The following MAP3K20 variants were observed in gnomAD, a reference collection of about 807,000 sequenced individuals.
MAP3K20 encodes the protein mitogen-activated protein kinase kinase kinase 20.
MAP3K20 carries 40 observed loss-of-function variants against 85.7 expected under a neutral mutation model. That is an observed-to-expected ratio of 0.47 (90% CI 0.36 to 0.61). The LOEUF (loss-of-function observed/expected upper bound fraction) is 0.61, where lower values mean the gene tolerates loss of function less well. Among genes scored for constraint, MAP3K20 ranks in the 20% least tolerant of loss-of-function variants. The pLI is 0.00. For synonymous variants in MAP3K20, 325 were observed against 327.7 expected (o/e 0.99, Z 0.09); for missense variants, 817 against 961.7 (o/e 0.85, Z 1.99).
At chr2:173,166,909 T>TA (rs1689840904) in intron 2 of MAP3K20, 1 of 121,568 alleles carries the variant, frequency 8.2e-6, no homozygotes, top group Non-Finnish European at 1.7e-5. Context: ...ACAGTTTTTC[T>TA]GTTTTTTTTT....
intron 16 of MAP3K20, among the ~76,000 whole-genome samples, chr2:173,248,855 T>C (rs1684981908): frequency 6.6e-6 from 1 of 152,204 alleles, no homozygotes; most frequent in African/African-American, 2.4e-5. Flanking sequence ...AGATTACGAA[T>C]TCCTTTTAAA....
intron 14 of MAP3K20, among the ~76,000 whole-genome samples, chr2:173,236,595 G>C (rs903636149): frequency 3.3e-5 from 5 of 152,132 alleles, no homozygotes; most frequent in African/African-American, 9.7e-5. Flanking sequence ...GTGGAATGCG[G>C]ACCCCTCCCC....
At chr2:173,115,753 C>A (rs764792545) in intron 2 of MAP3K20, among the ~76,000 whole-genome samples, 1 of 152,124 alleles carries the variant, frequency 6.6e-6, no homozygotes, top group East Asian at 1.9e-4. Context: ...GCACAGAGTC[C>A]TGTGATGTGA....
chr2:173,085,900 A>G (rs980137792), intron 1 of MAP3K20, among the ~76,000 whole-genome samples: 1 of 143,414 alleles, frequency 7.0e-6, no homozygotes, highest in Admixed American at 7.5e-5. Context: ...GGTTCGAGCA[A>G]TTCTCCTGCC....
intron 10 of MAP3K20, among the ~76,000 whole-genome samples, chr2:173,213,066 T>C (rs1270098841): frequency 6.6e-6 from 1 of 152,146 alleles, no homozygotes; most frequent in Non-Finnish European, 1.5e-5. Flanking sequence ...ATATATATTA[T>C]TGTGTATATG....
chr2:173,261,014 A>G (rs1339517218), intron 17 of MAP3K20, 49 bp from the exon 18 acceptor site: 1 of 1,563,194 alleles, frequency 6.4e-7, no homozygotes, highest in South Asian at 1.1e-5. Context: ...ATACTATAGT[A>G]GAGCAGACTG....
At chr2:173,180,789 A>G (rs937197805) in intron 3 of MAP3K20, among the ~76,000 whole-genome samples, 4 of 152,126 alleles carry the variant, frequency 2.6e-5, no homozygotes, top group Non-Finnish European at 5.9e-5. Flanking sequence ...TAAACTATAA[A>G]CTCTCAAAAG....
chr2:173,150,731 A>C (rs1200009951), intron 2 of MAP3K20, among the ~76,000 whole-genome samples: 1 of 152,066 alleles, frequency 6.6e-6, no homozygotes, highest in Non-Finnish European at 1.5e-5. Flanking sequence ...ATACCTGGCT[A>C]ATTTTCATAT....
chr2:173,188,393 CAATT>C (rs964638203), intron 5 of MAP3K20, among the ~76,000 whole-genome samples: 1 of 152,170 alleles, frequency 6.6e-6, no homozygotes, highest in African/African-American at 2.4e-5. Flanking sequence ...ACCCTCCAAT[CAATT>C]AATTATTTAC....
chr2:173,171,380 A>T (rs1320463083), intron 3 of MAP3K20, among the ~76,000 whole-genome samples: 1 of 152,208 alleles, frequency 6.6e-6, no homozygotes, highest in Non-Finnish European at 1.5e-5. Context: ...AAGAGACTAG[A>T]AACTCTGTTT....
intron 17 of MAP3K20, 130 bp downstream of exon 17, chr2:173,258,945 G>C: frequency 1.9e-6 from 1 of 517,508 alleles, no homozygotes; most frequent in Non-Finnish European, 3.4e-6. Context: ...GCTGGCTGTT[G>C]AAAGGCACAT....
chr2:173,237,018 C>CT (rs1388150311), intron 14 of MAP3K20, among the ~76,000 whole-genome samples: 32 of 119,906 alleles, frequency 2.7e-4, no homozygotes, highest in South Asian at 1.5e-3. Context: ...AGTATATCCA[C>CT]CTTTTTTTTT....
intron 2 of MAP3K20, among the ~76,000 whole-genome samples, chr2:173,096,357 T>TG (rs397791380): frequency 2.0e-5 from 3 of 151,704 alleles, no homozygotes; most frequent in Non-Finnish European, 4.4e-5. Flanking sequence ...TTTTTTTTTT[T>TG]GACACAGAGT....
chr2:173,094,148 A>AT (rs1046424565), intron 2 of MAP3K20, among the ~76,000 whole-genome samples: 4 of 149,364 alleles, frequency 2.7e-5, no homozygotes, highest in East Asian at 3.9e-4. Flanking sequence ...ATAAAAAAAA[A>AT]TTTTTTTAAA....
In MAP3K20 at chr2:173,167,197, G is replaced by C. The variant is rs985189854; in HGVS notation, c.160-2608G>C. Among the ~76,000 whole-genome samples the C allele has an allele frequency of 3.3e-5, 5 of 151,864 alleles. No individual in the cohort carries two copies. The South Asian group carries it at 1.0e-3, about 32-fold the overall frequency. Reference sequence around the variant, plus strand: ...CCCAAAGTGCTGGGATTACAGGCGTGAGCCACTGCGCCCGGCCAACAGTTT... The same window carrying C: ...CCCAAAGTGCTGGGATTACAGGCGTCAGCCACTGCGCCCGGCCAACAGTTT... On this transcript the variant is annotated intron_variant, in intron 2 of 19. Coordinates refer to ENST00000375213, the MANE Select transcript of MAP3K20 (RefSeq NM_016653.3).
chr2:173,223,689 A>G (rs1344748148), intron 11 of MAP3K20: 1 of 985,350 alleles, frequency 1.0e-6, no homozygotes, highest in Non-Finnish European at 1.2e-6. Flanking sequence ...ACACAAAAAC[A>G]GTAGATAAAT....
In MAP3K20 at chr2:173,257,862, T is replaced by G. The variant is rs555596317; in HGVS notation, c.1360-837T>G. On this transcript the variant is annotated intron_variant, in intron 16 of 19. Coordinates refer to ENST00000375213, the MANE Select transcript of MAP3K20 (RefSeq NM_016653.3). ...CTTAGCCATTCTGATGGGTGTATAG[T>G]GGTACCTCATTGTGGATTTAATTTG... 1.2e-4 allele frequency among the ~76,000 whole-genome samples: 19 copies of G among 152,344 alleles called. 1 individual carries two copies. The highest frequency in any genetic ancestry group is 3.4e-3 in the Middle Eastern group (1 of 294).
rs534251045 is a variant in MAP3K20 at position 173,204,120 on chromosome 2, T to G, written c.744+250T>G. On this transcript the variant is annotated intron_variant, in intron 9 of 19. Coordinates refer to ENST00000375213, the MANE Select transcript of MAP3K20 (RefSeq NM_016653.3). ...ATTCAGTATAAATAATTTTATTATT[T>G]TGTTTTTAATTTTTAGTAATAACTA... 2.1e-4 allele frequency among the ~76,000 whole-genome samples: 32 copies of G among 152,324 alleles called. 1 individual carries two copies. In the South Asian group the frequency reaches 6.7e-3, roughly 32 times the overall value.
chr2:173,132,423 A>G (rs577344476), intron 2 of MAP3K20, among the ~76,000 whole-genome samples: 50 of 152,258 alleles, frequency 3.3e-4, no homozygotes, highest in African/African-American at 1.2e-3. Flanking sequence ...GAGAGGGAAG[A>G]ATCCTCTCCG....
Sources: gnomAD v4.1 joint callset for allele counts (sites outside exome capture counted in the v4.1 genomes callset) on GRCh38, gnomAD v4.1.1 for gene constraint, MANE v1.5 for transcripts, NCBI Gene and HGNC (gene_info 2026-07-23, HGNC 2026-07-21) for gene names.